Variants in PDE6B observed in about 807,000 individuals in gnomAD.
The protein encoded by PDE6B is phosphodiesterase 6B, also known as rod cGMP-specific 3',5'-cyclic phosphodiesterase subunit beta.
Under a neutral mutation model 109.0 loss-of-function variants are expected in PDE6B, and 106 were observed. That is an observed-to-expected ratio of 0.97 (90% confidence interval 0.83 to 1.14). The LOEUF (loss-of-function observed/expected upper bound fraction) is 1.14, where lower values mean the gene tolerates loss of function less well. Among genes scored for constraint, PDE6B ranks in the 50% most tolerant of loss-of-function variants. The pLI is 0.00. For missense variants in PDE6B, 1,193 were observed against 1,155.6 expected (o/e 1.03, Z -0.47); for synonymous variants, 490 against 471.3 (o/e 1.04, Z -0.51).
At position 631,910 on chromosome 4, in the gene PDE6B, G is replaced by T. The variant is rs139493719; in HGVS notation, c.469-2767G>T. ...TGCTATCTCAGGGTCACATTGCATG[G>T]ATTCATGTGTCACCATCTGAGGGTC... is the stretch of plus-strand genomic sequence containing the variant. On this transcript the variant is annotated intron_variant, in intron 1 of 21. Coordinates refer to ENST00000496514, the MANE Select transcript of PDE6B (RefSeq NM_000283.4). Among the ~76,000 whole-genome samples, 625 of 151,556 alleles carry T rather than the reference G, an allele frequency of 4.1e-3. 1 individual carries two copies. The highest frequency in any genetic ancestry group is 6.8e-3 in the Admixed American group (104 of 15,234).
In PDE6B at chr4:626,630, CA is replaced by C. The variant is rs1170977437; in HGVS notation, c.468+537del. On this transcript the variant is annotated intron_variant, in intron 1 of 21. Transcript: ENST00000496514. The surrounding 1 kb of genome is among the most constrained non-coding windows in gnomAD (Gnocchi z 4.6). ...AGCTTTATCCCATGGGAGCCCACGC[CA>C]GCCGCCAGGGGAGAACAAACCTGGT... Among the ~76,000 whole-genome samples the C allele has an allele frequency of 6.6e-6, 1 of 152,208 alleles. No homozygotes were observed. Among genetic ancestry groups the C allele is most frequent in the Non-Finnish European group, 1.5e-5 (1 of 68,040 alleles).
chr4:634,362 C>A (rs1387695537), intron 1 of PDE6B, among the ~76,000 whole-genome samples: 1 of 152,176 alleles, frequency 6.6e-6, no homozygotes, highest in Non-Finnish European at 1.5e-5. Context: ...GGAAGCCCGA[C>A]GTGGCCGGAG....
At chr4:656,400 C>T in intron 8 of PDE6B, 108 bp downstream of exon 8, 1 of 818,094 alleles carries the variant, frequency 1.2e-6, no homozygotes, top group South Asian at 1.3e-5. Context: ...ACAACTTCAG[C>T]CAGGCATGGT....
intron 11 of PDE6B, 143 bp downstream of exon 11, chr4:659,160 T>G (rs1736727914): frequency 2.8e-6 from 2 of 707,850 alleles, no homozygotes; most frequent in Non-Finnish European, 5.1e-6. Context: ...TACTTGTGTA[T>G]CTAAGCACCT....
At position 654,009 on chromosome 4, in the gene PDE6B, T is replaced by C. The variant is rs1408587191; in HGVS notation, c.852+17T>C. The stretch of plus-strand genomic sequence containing the variant: ...AAGGAGAAGGTGAGGCTTCCGTGGC[T>C]CAGGGACCCCCTGCCTGGCCCGACC... On this transcript the variant is annotated intron_variant, in intron 4 of 21. Transcript: ENST00000496514. 1 of 1,613,702 alleles carries C rather than the reference T, an allele frequency of 6.2e-7. No homozygotes were observed.
chr4:639,237 T>C (rs1263602587), intron 3 of PDE6B, among the ~76,000 whole-genome samples: 1 of 151,646 alleles, frequency 6.6e-6, no homozygotes, highest in Non-Finnish European at 1.5e-5. Context: ...CTCAAACTCC[T>C]GGGCTCAACA....
rs1426463863 is a variant in PDE6B, at chr4:664,240, G to A, written c.2129+19G>A. ...TCGTCATGTGAGCGCGGGCGGAGGG[G>A]GCACGAGGGGTCCTTCCCTCGCAGG... is the stretch of plus-strand genomic sequence containing the variant. On this transcript the variant is annotated intron_variant, in intron 17 of 21. Transcript: ENST00000496514. The A allele has an allele frequency of 3.0e-6, 4 of 1,341,782 alleles. No individual in the cohort carries two copies. Among genetic ancestry groups the A allele is most frequent in the Non-Finnish European group, 3.2e-6 (3 of 931,924 alleles). 83.1% of individuals were successfully genotyped at this position (1,341,782 alleles called of 1,614,324 possible).
At chr4:637,970 G>A (rs948314888) in intron 3 of PDE6B, among the ~76,000 whole-genome samples, 5 of 152,186 alleles carry the variant, frequency 3.3e-5, no homozygotes, top group Non-Finnish European at 5.9e-5. Flanking sequence ...CCCACACCCC[G>A]TGGAGAACAG....
Position 648,031 on chromosome 4 carries a change from C to T in PDE6B, c.712-5821C>T, listed in dbSNP as rs570483823. ...CAGAGGTAGCAGTGAGCCAAGATCG[C>T]GCCACTGCACTTTAGCCTGGGCAAC... On this transcript the variant is annotated intron_variant, in intron 3 of 21. Coordinates refer to ENST00000496514, the MANE Select transcript of PDE6B (RefSeq NM_000283.4). This position sits in a 1 kb window ranked among gnomAD's most constrained non-coding sequence, Gnocchi z 4.5. Among the ~76,000 whole-genome samples the T allele has an allele frequency of 2.6e-4, 39 of 151,800 alleles. No individual in the cohort carries two copies. Among genetic ancestry groups the T allele is most frequent in the Admixed American group, 1.1e-3 (17 of 15,254 alleles).
chr4:664,065 G>C, intron 16 of PDE6B, 49 bp from the exon 17 acceptor site: 1 of 1,332,836 alleles, frequency 7.5e-7, no homozygotes, highest in Non-Finnish European at 1.1e-6. Flanking sequence ...CTTGGGGCGG[G>C]GTCTCCACAC....
intron 10 of PDE6B, among the ~76,000 whole-genome samples, chr4:658,630 C>T (rs1041029528): frequency 9.9e-5 from 15 of 152,116 alleles, no homozygotes; most frequent in African/African-American, 3.1e-4. Flanking sequence ...TCTGTCTGCA[C>T]GGCCCTGGCA....
intron 5 of PDE6B, chr4:654,606 A>C: frequency 1.6e-6 from 1 of 645,054 alleles, no homozygotes. Flanking sequence ...GTGCACCCTG[A>C]GCCTGTGCAT....
At chr4:632,991 C>G (rs1005343914) in intron 1 of PDE6B, among the ~76,000 whole-genome samples, 1 of 152,148 alleles carries the variant, frequency 6.6e-6, no homozygotes, top group Non-Finnish European at 1.5e-5. Context: ...GGGAGGGAAA[C>G]AGTAACAGAG....
chr4:652,230 CAGGG>C (rs911667965), intron 3 of PDE6B: 5 of 152,158 alleles, frequency 3.3e-5, no homozygotes, highest in East Asian at 3.9e-4. Flanking sequence ...CGGGCCTCAG[CAGGG>C]AGGGAGGGAG....
rs2109207919 is a variant in PDE6B, at chr4:655,995, G to C, written c.1048G>C (p.Glu350Gln). The C allele has an allele frequency of 6.2e-7, 1 of 1,605,206 alleles. No individual in the cohort carries two copies. The highest frequency in any genetic ancestry group is 8.5e-7 in the Non-Finnish European group (1 of 1,172,182). Residue 350 changes from glutamate (E) to glutamine (Q), a missense_variant, in exon 7 of 22, where the codon GAA becomes CAA. Coordinates refer to ENST00000496514, the MANE Select transcript of PDE6B (RefSeq NM_000283.4). ...CAGCGGCCTTCCAAGCTACGTGGCA[G>C]AAAGCGGCTTTGTGAGTCCCGTGCT... is the stretch of plus-strand genomic sequence containing the variant. Reference protein sequence around the residue: ...LASGLPSYVAESGFICNIMNA... With the variant: ...LASGLPSYVAQSGFICNIMNA...
chr4:655,057 G>A, intron 6 of PDE6B, 169 bp downstream of exon 6: 1 of 650,316 alleles, frequency 1.5e-6, no homozygotes. Flanking sequence ...TAGTGGAGTT[G>A]GGGGTGAGAC....
In PDE6B at chr4:668,652, C is replaced by T. The variant is rs148452311; in HGVS notation, c.2503+646C>T. Among the ~76,000 whole-genome samples, 488 of 131,550 alleles carry T rather than the reference C, an allele frequency of 3.7e-3. 14 individuals are homozygous for T. The highest frequency in any genetic ancestry group is 0.015 in the African/African-American group (466 of 30,766). The allele number at this position is 131,550 out of a possible 152,430, so 86.3% of individuals were successfully genotyped here. On this transcript the variant is annotated intron_variant, in intron 21 of 21. Transcript: ENST00000496514. ...GCTATTCCCGCTACCCCATGCTGCTCCCACTACCCCACGCTATTCCCCTAC... is the reference window on the plus strand; with the variant it reads ...GCTATTCCCGCTACCCCATGCTGCTTCCACTACCCCACGCTATTCCCCTAC...
chr4:645,318 C>T (rs1358465655), intron 3 of PDE6B, among the ~76,000 whole-genome samples: 12 of 118,986 alleles, frequency 1.0e-4, no homozygotes, highest in African/African-American at 1.6e-4. Context: ...TTTTTTGAGA[C>T]GGAGTCTCGC....
intron 3 of PDE6B, among the ~76,000 whole-genome samples, chr4:643,871 A>T (rs1041330125): frequency 6.6e-6 from 1 of 150,482 alleles, no homozygotes; most frequent in African/African-American, 2.5e-5. Context: ...CCTGCACCTG[A>T]CAAATTCTGA....
Sources: allele counts gnomAD v4.1 joint callset (sites outside exome capture counted in the v4.1 genomes callset), GRCh38; gene constraint gnomAD v4.1.1; non-coding constraint Gnocchi (gnomAD v3.1); transcripts MANE v1.5; gene names NCBI Gene and HGNC (gene_info 2026-07-23, HGNC 2026-07-21).